Variants in NRG1 observed in about 807,000 individuals in gnomAD.
The protein encoded by NRG1 is pro-neuregulin-1, membrane-bound isoform.
A neutral mutation model predicts 63.8 loss-of-function variants in NRG1; 18 were observed. That is an observed-to-expected ratio of 0.28 (90% CI 0.19 to 0.42). The LOEUF (loss-of-function observed/expected upper bound fraction) is 0.42, where lower values mean the gene tolerates loss of function less well. NRG1 is among the 10% of genes least tolerant of loss of function. The probability of loss-of-function intolerance (pLI) is 1.00; values close to 1 mark genes in which losing one functional copy is unlikely to be tolerated. For missense variants in NRG1, 762 were observed against 814.7 expected (o/e 0.94, Z 0.79); for synonymous variants, 302 against 301.3 (o/e 1.00, Z -0.02).
intron 1 of NRG1, among the ~76,000 whole-genome samples, chr8:32,001,901 C>A (rs1179477916): frequency 6.6e-6 from 1 of 152,062 alleles, no homozygotes. Context: ...TCCGCCTGAA[C>A]ATCATTGACT....
intron 1 of NRG1, among the ~76,000 whole-genome samples, chr8:32,068,189 C>A (rs1825183218): frequency 6.6e-6 from 1 of 152,168 alleles, no homozygotes; most frequent in African/African-American, 2.4e-5. Context: ...CACTTAACCT[C>A]TACAGTTTTA....
intron 1 of NRG1, among the ~76,000 whole-genome samples, chr8:32,522,402 A>G (rs1830425514): frequency 1.3e-5 from 2 of 152,186 alleles, no homozygotes; most frequent in South Asian, 4.1e-4. Flanking sequence ...TTGCATGCAC[A>G]ATATTTACTT....
chr8:32,576,394 A>C (rs909569946), intron 1 of NRG1, among the ~76,000 whole-genome samples: 6 of 152,168 alleles, frequency 3.9e-5, no homozygotes, highest in African/African-American at 1.4e-4. Context: ...TTTGAATATG[A>C]GTGCTAACAA....
intron 1 of NRG1, among the ~76,000 whole-genome samples, chr8:32,134,521 C>T (rs2170416): frequency 0.03 from 4,571 of 152,124 alleles, 129 homozygotes; most frequent in South Asian, 0.086. Flanking sequence ...TTCTTACAGA[C>T]GTTATTAAGG....
intron 1 of NRG1, among the ~76,000 whole-genome samples, chr8:32,452,461 A>C (rs1052063774): frequency 6.6e-6 from 1 of 152,202 alleles, no homozygotes; most frequent in Non-Finnish European, 1.5e-5. Context: ...AGAGGCATGG[A>C]AGGGAATTTC....
At chr8:32,323,162 C>T (rs963091007) in intron 1 of NRG1, among the ~76,000 whole-genome samples, 4 of 152,072 alleles carry the variant, frequency 2.6e-5, no homozygotes, top group Admixed American at 6.6e-5. Context: ...AAAGAAGATT[C>T]CTCCTCCCTT....
intron 1 of NRG1, among the ~76,000 whole-genome samples, chr8:32,197,978 GCA>G (rs772573624): frequency 6.0e-5 from 9 of 151,124 alleles, no homozygotes; most frequent in Admixed American, 1.3e-4. Flanking sequence ...GCATGCACGC[GCA>G]CACACACACA....
chr8:31,639,408 G>A lies in NRG1; in HGVS notation c.14G>A (p.Arg5His), dbSNP rs1314594053. The change falls in exon 1 of 11, where the codon CGC becomes CAC. Residue 5 changes from arginine (R) to histidine (H), a missense_variant. Arg to His is a conservative substitution (Grantham distance 29, BLOSUM62 0). Coordinates refer to the NRG1 transcript ENST00000519301. Reference sequence around the variant, plus strand: ...TCCGGCAGCAGCATGGGGAAAGGACGCGCGGGCCGAGTTGGCACCACAGGT... The same window carrying A: ...TCCGGCAGCAGCATGGGGAAAGGACACGCGGGCCGAGTTGGCACCACAGGT... The A allele has an allele frequency of 6.1e-5, 93 of 1,534,842 alleles. No individual in the cohort carries two copies. In the Admixed American group the frequency reaches 1.3e-3, roughly 22 times the overall value.
At chr8:31,753,739 G>T (rs1816705458) in intron 1 of NRG1, among the ~76,000 whole-genome samples, 2 of 151,858 alleles carry the variant, frequency 1.3e-5, no homozygotes, top group Admixed American at 1.3e-4. Flanking sequence ...ATATATCAGG[G>T]TTTTTTTAAG....
At chr8:32,038,174 C>T (rs758149691) in intron 1 of NRG1, among the ~76,000 whole-genome samples, 15 of 152,192 alleles carry the variant, frequency 9.9e-5, no homozygotes, top group Admixed American at 5.9e-4. Flanking sequence ...ATGGGAAAAG[C>T]GTGCTTTTCA....
intron 1 of NRG1, among the ~76,000 whole-genome samples, chr8:31,983,057 T>C (rs1234853470): frequency 6.6e-6 from 1 of 152,138 alleles, no homozygotes; most frequent in Non-Finnish European, 1.5e-5. Context: ...TTAATGTGAA[T>C]AATATCATAC....
At chr8:32,691,828 C>T (rs1485974746) in intron 5 of NRG1, among the ~76,000 whole-genome samples, 1 of 152,136 alleles carries the variant, frequency 6.6e-6, no homozygotes, top group Non-Finnish European at 1.5e-5. Context: ...TAGCAGGATC[C>T]TTCTTTTAGC....
chr8:31,937,977 A>G (rs889272724), intron 1 of NRG1, among the ~76,000 whole-genome samples: 1 of 152,160 alleles, frequency 6.6e-6, no homozygotes, highest in African/African-American at 2.4e-5. Flanking sequence ...TGGGAGGTCT[A>G]TGGCCCTGTC....
chr8:32,043,775 C>G (rs541622530), intron 1 of NRG1, among the ~76,000 whole-genome samples: 6 of 151,716 alleles, frequency 4.0e-5, no homozygotes, highest in Admixed American at 2.6e-4. Flanking sequence ...GAGCAACCAC[C>G]AAAATTTTTT....
intron 1 of NRG1, among the ~76,000 whole-genome samples, chr8:31,998,760 C>T (rs567840878): frequency 1.3e-5 from 2 of 152,040 alleles, no homozygotes; most frequent in South Asian, 4.2e-4. Context: ...CAATTAGGCA[C>T]CTTAGGAAGG....
At chr8:32,050,362 G>A (rs578048744) in intron 1 of NRG1, among the ~76,000 whole-genome samples, 5 of 152,222 alleles carry the variant, frequency 3.3e-5, no homozygotes, top group Admixed American at 6.5e-5. Context: ...TTCCTTGGGA[G>A]CTTCCACTGA....
intron 1 of NRG1, among the ~76,000 whole-genome samples, chr8:32,552,026 T>A (rs1324281367): frequency 6.7e-6 from 1 of 148,980 alleles, no homozygotes; most frequent in Admixed American, 6.8e-5. Context: ...TTCCCCTGCC[T>A]CAGACTTTTG....
At chr8:32,027,452 CCTTCCT>C (rs1563695939) in intron 1 of NRG1, among the ~76,000 whole-genome samples, 83 of 133,430 alleles carry the variant, frequency 6.2e-4, no homozygotes, top group South Asian at 2.4e-3. Context: ...TTCCTTCCTT[CCTTCCT>C]TCCTTCCTTC....
chr8:32,437,926 C>T (rs1342705389), intron 1 of NRG1, among the ~76,000 whole-genome samples: 1 of 152,112 alleles, frequency 6.6e-6, no homozygotes, highest in African/African-American at 2.4e-5. Flanking sequence ...GAAACCATAA[C>T]TTAATAAATT....
Sources: allele counts gnomAD v4.1 joint callset (sites outside exome capture counted in the v4.1 genomes callset), GRCh38; gene constraint gnomAD v4.1.1; transcripts MANE v1.5; gene names NCBI Gene and HGNC (gene_info 2026-07-23, HGNC 2026-07-21).